The following CDK5RAP2 variants were observed in gnomAD, a reference collection of about 807,000 sequenced individuals.
The protein encoded by CDK5RAP2 is CDK5 regulatory subunit associated protein 2, also known as CDK5 regulatory subunit-associated protein 2.
A neutral mutation model predicts 232.9 loss-of-function variants in CDK5RAP2; 147 were observed. That is an observed-to-expected ratio of 0.63 (90% CI 0.55 to 0.72). CDK5RAP2 has a LOEUF of 0.72. Ranked by LOEUF, CDK5RAP2 falls within the 30% of genes least tolerant of loss-of-function variation. The probability of loss-of-function intolerance (pLI) is 0.00; values close to 1 mark genes in which losing one functional copy is unlikely to be tolerated. For missense variants in CDK5RAP2, 2,195 were observed against 2,231.5 expected (o/e 0.98, Z 0.33); for synonymous variants, 833 against 833.7 (o/e 1.00, Z 0.01).
chr9:120,460,477 G>A, intron 19 of CDK5RAP2, 95 bp downstream of exon 19: 1 of 1,132,828 alleles, frequency 8.8e-7, no homozygotes, highest in South Asian at 1.3e-5. Flanking sequence ...TAGGCAGAAT[G>A]AACAGAAAAC....
At chr9:120,578,126 G>A (rs762837374) in intron 1 of CDK5RAP2, among the ~76,000 whole-genome samples, 7 of 152,056 alleles carry the variant, frequency 4.6e-5, no homozygotes, top group Non-Finnish European at 7.3e-5. Flanking sequence ...AATTAGCCAC[G>A]CACGGTGGTG....
intron 4 of CDK5RAP2, among the ~76,000 whole-genome samples, chr9:120,548,690 T>C (rs1453678297): frequency 6.6e-6 from 1 of 152,102 alleles, no homozygotes; most frequent in African/African-American, 2.4e-5. Context: ...TGCATGCCTG[T>C]AGTCCCAACT....
chr9:120,544,616 C>A (rs540342137), intron 5 of CDK5RAP2, among the ~76,000 whole-genome samples: 54 of 152,378 alleles, frequency 3.5e-4, no homozygotes, highest in African/African-American at 1.3e-3. Flanking sequence ...AAACCAAGAA[C>A]TCCATGGTCC....
At chr9:120,455,048 G>T (rs551682016) in intron 20 of CDK5RAP2, among the ~76,000 whole-genome samples, 18 of 152,312 alleles carry the variant, frequency 1.2e-4, no homozygotes, top group Admixed American at 6.5e-4. Context: ...CTCAAGAAGA[G>T]CCCCTTGTGT....
intron 12 of CDK5RAP2, among the ~76,000 whole-genome samples, chr9:120,502,643 ATGTAGTTTTGTCATTCCCCAAGATT>A (rs890041673): frequency 2.0e-5 from 3 of 152,230 alleles, no homozygotes; most frequent in Admixed American, 6.5e-5. Flanking sequence ...CACAAAGGAC[ATGTAGTTTTGTCATTCCCCAAGATT>A]TGTAGTTTTG....
At chr9:120,531,611 T>C (rs1031798090) in intron 7 of CDK5RAP2, among the ~76,000 whole-genome samples, 1 of 151,528 alleles carries the variant, frequency 6.6e-6, no homozygotes, top group African/African-American at 2.5e-5. Context: ...TTGTTATAAT[T>C]ATTACTTTTT....
intron 31 of CDK5RAP2, chr9:120,407,942 T>C (rs934917691): frequency 6.9e-6 from 2 of 288,778 alleles, no homozygotes; most frequent in African/African-American, 2.2e-5. Flanking sequence ...GGTCATTTCC[T>C]GGGTGCCTAC....
At chr9:120,410,446 T>A (rs1322526973) in intron 29 of CDK5RAP2, among the ~76,000 whole-genome samples, 1 of 152,128 alleles carries the variant, frequency 6.6e-6, no homozygotes, top group African/African-American at 2.4e-5. Context: ...TTTTCCTGAG[T>A]CAGGATGCCT....
chr9:120,571,869 G>C, intron 2 of CDK5RAP2, 105 bp downstream of exon 2: 1 of 873,970 alleles, frequency 1.1e-6, no homozygotes, highest in Non-Finnish European at 1.9e-6. Flanking sequence ...TGCCAGTTCA[G>C]GGAAGCCTCT....
chr9:120,398,976 T>C (rs574852275), intron 35 of CDK5RAP2, among the ~76,000 whole-genome samples: 1 of 152,312 alleles, frequency 6.6e-6, no homozygotes, highest in African/African-American at 2.4e-5. Context: ...AACACAGCAG[T>C]GACAGAAAAG....
Position 120,403,418 on chromosome 9 carries a change from CAG to C in CDK5RAP2, c.5042-349_5042-348del. 1 of 341,556 alleles carries C rather than the reference CAG, an allele frequency of 2.9e-6. No individual in the cohort carries two copies. The highest frequency in any genetic ancestry group is 4.6e-5 in the Admixed American group (1 of 21,552). 21.2% of individuals were successfully genotyped at this position (341,556 alleles called of 1,614,324 possible). ...ACAGACACTGCAGAAGGTGCAACAG[CAG>C]AGTGATGAAGGGCCAGAGCCAGAAA... On this transcript the variant is annotated intron_variant, in intron 33 of 37. Transcript: ENST00000349780. The surrounding 1 kb of genome is among the most constrained non-coding windows in gnomAD (Gnocchi z 4.2).
chr9:120,403,289 C>T lies in CDK5RAP2; in HGVS notation c.5042-218G>A. 1 of 564,794 alleles carries T rather than the reference C, an allele frequency of 1.8e-6. No homozygotes were observed. The highest frequency in any genetic ancestry group is 3.0e-5 in the East Asian group (1 of 33,050). The allele number at this position is 564,794 out of a possible 1,614,324, so 35.0% of individuals were successfully genotyped here. On this transcript the variant is annotated intron_variant, in intron 33 of 37. Transcript: ENST00000349780. The surrounding 1 kb of genome is among the most constrained non-coding windows in gnomAD (Gnocchi z 4.2). Reference sequence around the variant, plus strand: ...ATCTTGTAGGAGAGGCTCAAGTCAACTCAACCAACACTTATCAACCACCCA... The same window carrying T: ...ATCTTGTAGGAGAGGCTCAAGTCAATTCAACCAACACTTATCAACCACCCA...
At chr9:120,523,382 T>C (rs2040757788) in intron 11 of CDK5RAP2, among the ~76,000 whole-genome samples, 1 of 152,212 alleles carries the variant, frequency 6.6e-6, no homozygotes, top group African/African-American at 2.4e-5. Flanking sequence ...AAAACATAAT[T>C]TTCCTAAGAA....
chr9:120,487,545 T>C, intron 13 of CDK5RAP2, 108 bp from the exon 14 acceptor site: 1 of 788,594 alleles, frequency 1.3e-6, no homozygotes, highest in Non-Finnish European at 2.0e-6. Flanking sequence ...ATAATACTCC[T>C]ATATCCCCTA....
At chr9:120,528,476 A>C (rs976939375) in intron 9 of CDK5RAP2, among the ~76,000 whole-genome samples, 1 of 152,170 alleles carries the variant, frequency 6.6e-6, no homozygotes, top group Non-Finnish European at 1.5e-5. Flanking sequence ...TCTTTGCTCT[A>C]TCTCTTCCTA....
intron 18 of CDK5RAP2, among the ~76,000 whole-genome samples, chr9:120,461,341 G>T (rs143080010): frequency 6.6e-6 from 1 of 152,338 alleles, no homozygotes; most frequent in East Asian, 1.9e-4. Flanking sequence ...TCAAAGAAGT[G>T]TAAATCCCAA....
At chr9:120,553,307 C>T (rs1339785225) in intron 3 of CDK5RAP2, among the ~76,000 whole-genome samples, 2 of 152,146 alleles carry the variant, frequency 1.3e-5, no homozygotes, top group Non-Finnish European at 2.9e-5. Flanking sequence ...ATCCAGTAAA[C>T]TTTTCTGTGC....
chr9:120,419,881 A>G lies in CDK5RAP2; in HGVS notation c.4084T>C (p.Tyr1362His). 6.2e-7 allele frequency: 1 copy of G among 1,613,744 alleles called. No individual in the cohort carries two copies. Among genetic ancestry groups the G allele is most frequent in the Non-Finnish European group, 8.5e-7 (1 of 1,179,628 alleles). ...EPSASHALSD[Y>H]ETSEKSFFSR... ...AAGAAGGACTTTTCAGATGTTTCAT[A>G]ATCAGAGAGCGCATGAGAGGCTGAA... The change falls in exon 27 of 38, where the codon TAT (tyrosine) becomes CAT (histidine). Residue 1362 changes from tyrosine to histidine, a missense_variant. By Grantham distance (83) the Tyr-to-His change is moderately conservative (BLOSUM62 2). Coordinates refer to ENST00000349780, the MANE Select transcript of CDK5RAP2 (RefSeq NM_018249.6).
At chr9:120,435,492 CA>C (rs2035526953) in intron 25 of CDK5RAP2, among the ~76,000 whole-genome samples, 1 of 151,858 alleles carries the variant, frequency 6.6e-6, no homozygotes, top group African/African-American at 2.4e-5. Flanking sequence ...CACACACACA[CA>C]CACACACACG....
Sources: allele counts gnomAD v4.1 joint callset (sites outside exome capture counted in the v4.1 genomes callset), GRCh38; gene constraint gnomAD v4.1.1; non-coding constraint Gnocchi (gnomAD v3.1); transcripts MANE v1.5; gene names NCBI Gene and HGNC (gene_info 2026-07-23, HGNC 2026-07-21).